MFN2: variants seen among roughly 807,000 people sequenced by gnomAD.
MFN2 encodes mitofusin-2.
Under a neutral mutation model 87.5 loss-of-function variants are expected in MFN2, and 43 were observed. That is an observed-to-expected ratio of 0.49 (90% CI 0.38 to 0.63). The LOEUF (loss-of-function observed/expected upper bound fraction) is 0.63. Ranked by LOEUF, MFN2 falls within the 30% of genes least tolerant of loss-of-function variation. The pLI is 0.00. For missense variants in MFN2, 743 were observed against 972.8 expected, an observed-to-expected ratio of 0.76 and a Z score of 3.14; for synonymous variants, 337 against 359.9, an observed-to-expected ratio of 0.94 and a Z score of 0.72.
At position 12,005,000 on chromosome 1, in the gene MFN2, A is replaced by G. The variant is rs1639347696; in HGVS notation, c.1495+73A>G. ...AGATCAGATGCGGAGGCCAAGCTAA[A>G]GAAATCAGGACTTTCCTTATCTGTC... is the stretch of plus-strand genomic sequence containing the variant. On this transcript the variant is annotated intron_variant, in intron 14 of 18. Coordinates refer to ENST00000235329, the MANE Select transcript of MFN2 (RefSeq NM_014874.4). The surrounding 1 kb of genome is among the most constrained non-coding windows in gnomAD (Gnocchi z 4.2). 8.5e-7 allele frequency: 1 copy of G among 1,176,870 alleles called. No individual in the cohort carries two copies. Among genetic ancestry groups the G allele is most frequent in the Admixed American group, 2.0e-5 (1 of 50,822 alleles). The allele number at this position is 1,176,870 out of a possible 1,614,324, so 72.9% of individuals were successfully genotyped here.
chr1:11,983,808 G>A (rs1283581005), intron 2 of MFN2, among the ~76,000 whole-genome samples: 7 of 152,184 alleles, frequency 4.6e-5, no homozygotes, highest in Non-Finnish European at 1.0e-4. Context: ...TCATGGAGCG[G>A]GTGACACTTG....
chr1:11,995,104 T>A (rs1437121561), intron 4 of MFN2, among the ~76,000 whole-genome samples: 1 of 151,618 alleles, frequency 6.6e-6, no homozygotes, highest in Non-Finnish European at 1.5e-5. Flanking sequence ...TAGCTGGGCG[T>A]GGTCGCAGCT....
intron 8 of MFN2, among the ~76,000 whole-genome samples, chr1:11,999,598 T>C (rs1411299905): frequency 3.3e-5 from 5 of 151,984 alleles, no homozygotes; most frequent in Non-Finnish European, 7.4e-5. Flanking sequence ...GCTCAGGTGA[T>C]CCACCTGCCT....
At position 11,999,091 on chromosome 1, in the gene MFN2, A is replaced by T; in HGVS notation, c.812A>T (p.Glu271Val). Residue 271 changes from glutamate (E) to valine (V), a missense_variant, in exon 8 of 19, where the codon GAG becomes GTG. Physicochemically the swap from Glu to Val is moderately radical, Grantham distance 121. Transcript: ENST00000235329. ...TCTGCCTCAGAGCCCGAGTACATGG[A>T]GGAGGTTCGTGCTTCTGTTTGGCAG... Reference protein sequence around the residue: ...DASASEPEYMEEVRRQHMERC... With the variant: ...DASASEPEYMVEVRRQHMERC... The T allele has an allele frequency of 6.2e-7, 1 of 1,614,138 alleles. No homozygotes were observed. The highest frequency in any genetic ancestry group is 8.5e-7 in the Non-Finnish European group (1 of 1,179,964).
chr1:12,001,214 T>C (rs964990307), intron 8 of MFN2, among the ~76,000 whole-genome samples, 187 bp from the exon 9 acceptor site: 1 of 152,176 alleles, frequency 6.6e-6, no homozygotes, highest in African/African-American at 2.4e-5. Context: ...GGTTTCACCA[T>C]GGTGGCCAGG....
Position 11,989,151 on chromosome 1 carries a change from A to G in MFN2, c.-4-14A>G. ...AGGTGTTGCTGGGTTCGCTCACGTTAGCTTCTCTTGCAGCGCAATGTCCCT... is the reference window on the plus strand; with the variant it reads ...AGGTGTTGCTGGGTTCGCTCACGTTGGCTTCTCTTGCAGCGCAATGTCCCT... On this transcript the variant is annotated splice_polypyrimidine_tract_variant and intron_variant, in intron 2 of 18. Coordinates refer to ENST00000235329, the MANE Select transcript of MFN2 (RefSeq NM_014874.4). 1 of 1,613,824 alleles carries G rather than the reference A, an allele frequency of 6.2e-7. No individual in the cohort carries two copies. The highest frequency in any genetic ancestry group is 8.5e-7 in the Non-Finnish European group (1 of 1,180,010).
chr1:12,011,590 TG>T lies in MFN2; in HGVS notation c.*27del. The T allele has an allele frequency of 6.2e-7, 1 of 1,612,824 alleles. No individual in the cohort carries two copies. Among genetic ancestry groups the T allele is most frequent in the East Asian group, 2.2e-5 (1 of 44,856 alleles). ...GTGGGCACCTGAGGCGGAGTCTGCG[TG>T]GAGAGGGGCGGTGCTGCCAGCCCTA... On this transcript the variant is annotated 3_prime_UTR_variant, in exon 19 of 19. Coordinates refer to ENST00000235329, the MANE Select transcript of MFN2 (RefSeq NM_014874.4).
intron 18 of MFN2, among the ~76,000 whole-genome samples, chr1:12,010,695 C>T (rs1416985664): frequency 6.6e-6 from 1 of 152,124 alleles, no homozygotes; most frequent in Non-Finnish European, 1.5e-5. Context: ...ATGTTTGGCC[C>T]AAGCTCTTAA....
intron 16 of MFN2, 51 bp downstream of exon 16, chr1:12,006,744 G>A (rs41278634): frequency 1.2e-5 from 20 of 1,609,210 alleles, no homozygotes; most frequent in Admixed American, 1.7e-5. Flanking sequence ...CAGGTGGGCG[G>A]GGCCTGAGGG....
chr1:12,013,433 T>G lies in MFN2; in HGVS notation c.*1868T>G, dbSNP rs1337879807. 2.2e-6 allele frequency: 1 copy of G among 461,678 alleles called. No homozygotes were observed. The highest frequency in any genetic ancestry group is 2.5e-5 in the Admixed American group (1 of 40,176). The allele number at this position is 461,678 out of a possible 1,614,324, so 28.6% of individuals were successfully genotyped here. A position where few individuals can be genotyped will look rare whatever the true frequency, so the allele number is the denominator to read the frequency against. On this transcript the variant is annotated 3_prime_UTR_variant, in exon 19 of 19. Transcript: ENST00000235329. ...TGAGTTTTCTCTGATGTATTTAAGG[T>G]GATGTATTTGCTTGAGTTACTCCTG...
intron 17 of MFN2, among the ~76,000 whole-genome samples, chr1:12,008,568 G>C (rs558953595): frequency 2.0e-5 from 3 of 151,788 alleles, no homozygotes; most frequent in Non-Finnish European, 4.4e-5. Context: ...CTTCTCAGAC[G>C]GGGCGGCTGC....
At chr1:11,993,598 G>C (rs1402610534) in intron 4 of MFN2, among the ~76,000 whole-genome samples, 1 of 152,050 alleles carries the variant, frequency 6.6e-6, no homozygotes, top group Admixed American at 6.6e-5. Flanking sequence ...AGCCGGGTGA[G>C]GTGGCGGGCG....
intron 9 of MFN2, 107 bp from the exon 10 acceptor site, chr1:12,001,662 G>T: frequency 1.6e-5 from 25 of 1,598,474 alleles, no homozygotes; most frequent in Non-Finnish European, 2.0e-5. Flanking sequence ...ATGCTGAGAA[G>T]AGCAGAGAGG....
At chr1:11,996,370 C>T (rs2100822999) in intron 5 of MFN2, 52 bp downstream of exon 5, 1 of 1,610,512 alleles carries the variant, frequency 6.2e-7, no homozygotes, top group Non-Finnish European at 8.5e-7. Flanking sequence ...GGAGCAAGTC[C>T]TCCGTTGTGA....
intron 18 of MFN2, 38 bp downstream of exon 18, chr1:12,009,764 G>T (rs1468164456): frequency 6.2e-7 from 1 of 1,613,632 alleles, no homozygotes; most frequent in Non-Finnish European, 8.5e-7. Context: ...TAGGGCTCCA[G>T]GGTGCAGCCC....
At chr1:12,007,964 GCTGCCTTCAAGCAT>G (rs1239163068) in intron 17 of MFN2, among the ~76,000 whole-genome samples, 1 of 152,030 alleles carries the variant, frequency 6.6e-6, no homozygotes, top group East Asian at 1.9e-4. Flanking sequence ...TGACAAGCAT[GCTGCCTTCAAGCAT>G]CTGTTTAACA....
chr1:12,012,633 C>G lies in MFN2; in HGVS notation c.*1068C>G, dbSNP rs886045229. 6.6e-6 allele frequency: 1 copy of G among 152,274 alleles called. No individual in the cohort carries two copies. The highest frequency in any genetic ancestry group is 2.4e-5 in the African/African-American group (1 of 41,448). The allele number at this position is 152,274 out of a possible 1,614,324, so 9.4% of individuals were successfully genotyped here. ...GTCCCAAGTGCCCTGGACTAAATTT[C>G]CTGTGCCAGTGACTGCAGTTGGCCA... On this transcript the variant is annotated 3_prime_UTR_variant, in exon 19 of 19. Transcript: ENST00000235329.
At chr1:11,981,198 C>T (rs1472042237) in intron 1 of MFN2, among the ~76,000 whole-genome samples, 3 of 152,160 alleles carry the variant, frequency 2.0e-5, no homozygotes, top group African/African-American at 7.2e-5. Flanking sequence ...AGGAAGGCAG[C>T]TCAATGTAGT....
Position 12,005,727 on chromosome 1 carries a change from C to T in MFN2, c.1512C>T (p.Leu504=), listed in dbSNP as rs758605342. 13 of 1,614,232 alleles carry T rather than the reference C, an allele frequency of 8.1e-6. No individual in the cohort carries two copies. The highest frequency in any genetic ancestry group is 1.6e-4 in the Middle Eastern group (1 of 6,062). The change falls in exon 15 of 19, where the codon CTC becomes CTT. Residue 504 remains leucine, a synonymous_variant. Coordinates refer to ENST00000235329, the MANE Select transcript of MFN2 (RefSeq NM_014874.4). ...QQDMIDGLKP[L]LPVSVRSQID... ...TCCTGACAGATGGCTTGAAACCCCT[C>T]CTTCCTGTGTCTGTGCGGAGTCAGA... is the stretch of plus-strand genomic sequence containing the variant.
Sources: allele counts gnomAD v4.1 joint callset (sites outside exome capture counted in the v4.1 genomes callset), GRCh38; gene constraint gnomAD v4.1.1; non-coding constraint Gnocchi (gnomAD v3.1); transcripts MANE v1.5; gene names NCBI Gene and HGNC (gene_info 2026-07-23, HGNC 2026-07-21).